Variants in CSMD1 observed in about 807,000 individuals in gnomAD.
The protein encoded by CSMD1 is CUB and Sushi multiple domains 1, also known as CUB and sushi domain-containing protein 1.
CSMD1 carries 213 observed loss-of-function variants against 417.5 expected under a neutral mutation model. The observed-to-expected ratio is 0.51, with a 90% CI of 0.46 to 0.57. The LOEUF is 0.57. Among genes scored for constraint, CSMD1 ranks in the 20% least tolerant of loss-of-function variants. CSMD1 has a pLI of 0.00. For synonymous variants in CSMD1, 2,862 were observed against 1,736.8 expected (o/e 1.65, Z -16.11); for missense variants, 6,923 against 4,529.7 (o/e 1.53, Z -15.17).
At chr8:4,789,651 A>G (rs190616863) in intron 1 of CSMD1, among the ~76,000 whole-genome samples, 28 of 152,274 alleles carry the variant, frequency 1.8e-4, no homozygotes, top group Admixed American at 1.2e-3. Flanking sequence ...ATGCTGGCAT[A>G]CTAGCTGTAT....
intron 3 of CSMD1, among the ~76,000 whole-genome samples, chr8:4,073,578 G>C (rs569028126): frequency 6.6e-6 from 1 of 152,196 alleles, no homozygotes; most frequent in Admixed American, 6.5e-5. Flanking sequence ...CAGTATGAGG[G>C]ATATATTCAC....
intron 3 of CSMD1, among the ~76,000 whole-genome samples, chr8:4,396,257 T>C (rs111295994): frequency 0.021 from 3,238 of 151,682 alleles, 96 homozygotes; most frequent in African/African-American, 0.074. Context: ...AGCCCAGGTG[T>C]TTGAGACCAG....
chr8:4,742,867 G>T (rs929611881), intron 1 of CSMD1, among the ~76,000 whole-genome samples: 1 of 152,006 alleles, frequency 6.6e-6, no homozygotes, highest in Non-Finnish European at 1.5e-5. Context: ...TAACTTAATG[G>T]TCTGTTTATA....
intron 2 of CSMD1, among the ~76,000 whole-genome samples, chr8:4,450,580 C>G (rs1177806318): frequency 6.6e-6 from 1 of 152,006 alleles, no homozygotes; most frequent in East Asian, 1.9e-4. Context: ...GGTTGCAGCC[C>G]AGATCGCACC....
intron 52 of CSMD1, among the ~76,000 whole-genome samples, chr8:3,015,839 C>T (rs1439756813): frequency 5.3e-5 from 8 of 152,222 alleles, no homozygotes; most frequent in South Asian, 2.1e-4. Flanking sequence ...GACTGATAGG[C>T]GAGAGCGTGT....
At chr8:3,621,669 T>C (rs917667497) in intron 7 of CSMD1, among the ~76,000 whole-genome samples, 2 of 152,070 alleles carry the variant, frequency 1.3e-5, no homozygotes, top group Admixed American at 6.6e-5. Context: ...CATGGCTCAC[T>C]GCAGCCTTCG....
intron 1 of CSMD1, among the ~76,000 whole-genome samples, chr8:4,681,609 T>A (rs1330977503): frequency 6.6e-6 from 1 of 152,180 alleles, no homozygotes; most frequent in East Asian, 1.9e-4. Context: ...GCCTGGTAAA[T>A]ATTACTCTGT....
chr8:3,264,299 C>G (rs1268220400), intron 26 of CSMD1, among the ~76,000 whole-genome samples: 1 of 152,118 alleles, frequency 6.6e-6, no homozygotes, highest in African/African-American at 2.4e-5. Context: ...TTATGGAAAC[C>G]TCAGGTGGCG....
intron 3 of CSMD1, among the ~76,000 whole-genome samples, chr8:4,293,723 G>A (rs1470481894): frequency 1.3e-5 from 2 of 152,300 alleles, no homozygotes; most frequent in African/African-American, 4.8e-5. Context: ...TAAAAAAGAT[G>A]CTTTAGACAT....
chr8:3,702,015 C>T (rs1483495645), intron 7 of CSMD1: 1 of 151,844 alleles, frequency 6.6e-6, no homozygotes, highest in African/African-American at 2.4e-5. Context: ...CATTGATTGC[C>T]CAATACAAAC....
rs1177073017 is a variant in CSMD1 at position 4,798,342 on chromosome 8, C to T, written c.86-160784G>A. Among the ~76,000 whole-genome samples the T allele has an allele frequency of 3.9e-5, 6 of 152,306 alleles. No homozygotes were observed. In the East Asian group the frequency reaches 1.2e-3, roughly 29 times the overall value. On this transcript the variant is annotated intron_variant, in intron 1 of 69. Transcript: ENST00000635120. ...CATGTCCCTACAAAGGACATGAACT[C>T]ATCCTTTTTTATGGCTGCATAGTAT...
chr8:3,475,754 G>A (rs1268200593), intron 11 of CSMD1, among the ~76,000 whole-genome samples: 3 of 152,208 alleles, frequency 2.0e-5, no homozygotes, highest in African/African-American at 7.2e-5. Context: ...TCAAGTATGT[G>A]AAGCGGTTAA....
At chr8:4,223,943 G>C (rs1419405485) in intron 3 of CSMD1, among the ~76,000 whole-genome samples, 1 of 152,114 alleles carries the variant, frequency 6.6e-6, no homozygotes, top group Non-Finnish European at 1.5e-5. Flanking sequence ...GGGGTCCTTT[G>C]TGCTTGAACA....
chr8:4,513,123 G>A (rs1396413470), intron 2 of CSMD1, among the ~76,000 whole-genome samples: 1 of 152,174 alleles, frequency 6.6e-6, no homozygotes, highest in South Asian at 2.1e-4. Flanking sequence ...AACAGCAAGA[G>A]TGCGCTCCAA....
intron 26 of CSMD1, among the ~76,000 whole-genome samples, chr8:3,258,052 G>C (rs1800790170): frequency 6.6e-6 from 1 of 152,194 alleles, no homozygotes; most frequent in South Asian, 2.1e-4. Context: ...CGAGTAGACA[G>C]ACAGGGCCCC....
At chr8:3,684,708 C>T (rs1056855417) in intron 7 of CSMD1, among the ~76,000 whole-genome samples, 21 of 151,878 alleles carry the variant, frequency 1.4e-4, no homozygotes, top group African/African-American at 5.1e-4. Context: ...CGCCATTCTC[C>T]TGCCTCAGCC....
intron 1 of CSMD1, among the ~76,000 whole-genome samples, chr8:4,762,447 A>G (rs1411685189): frequency 1.3e-5 from 2 of 152,198 alleles, no homozygotes; most frequent in African/African-American, 4.8e-5. Flanking sequence ...TATTTTCTCA[A>G]GCATCTCAGT....
At chr8:4,706,377 A>G (rs1807941105) in intron 1 of CSMD1, among the ~76,000 whole-genome samples, 1 of 152,152 alleles carries the variant, frequency 6.6e-6, no homozygotes. Flanking sequence ...GAATTAGACT[A>G]CGTTATCTGC....
chr8:4,942,915 G>C (rs535468794), intron 1 of CSMD1, among the ~76,000 whole-genome samples: 7 of 152,302 alleles, frequency 4.6e-5, no homozygotes, highest in Non-Finnish European at 7.3e-5. Flanking sequence ...TTGAAACAAT[G>C]GTTTGGATTA....
Sources: gnomAD v4.1 joint callset for allele counts (sites outside exome capture counted in the v4.1 genomes callset) on GRCh38, gnomAD v4.1.1 for gene constraint, MANE v1.5 for transcripts, NCBI Gene and HGNC (gene_info 2026-07-23, HGNC 2026-07-21) for gene names.